The following CEP170 variants were observed in gnomAD, a reference collection of about 807,000 sequenced individuals.
CEP170 encodes the protein centrosomal protein of 170 kDa.
In CEP170, 21 loss-of-function variants were observed where a neutral mutation model predicts 151.9. That is an observed-to-expected ratio of 0.14 (90% CI 0.10 to 0.20). CEP170 has a LOEUF of 0.20. Ranked by LOEUF, CEP170 falls within the 10% of genes least tolerant of loss-of-function variation. The pLI, the probability that CEP170 is intolerant of heterozygous loss-of-function variation, is 1.00. For synonymous variants in CEP170, 356 were observed against 648.8 expected (o/e 0.55, Z 6.86); for missense variants, 964 against 1,892.9 (o/e 0.51, Z 9.11).
intron 14 of CEP170, among the ~76,000 whole-genome samples, chr1:243,150,258 C>T (rs1181390144): frequency 6.6e-6 from 1 of 152,138 alleles, no homozygotes; most frequent in Non-Finnish European, 1.5e-5. Flanking sequence ...TTCAACGATT[C>T]TCCTGCCTCA....
chr1:243,135,206 A>ATTAT lies in CEP170; in HGVS notation c.4319+933_4319+936dup, dbSNP rs750897112. The stretch of plus-strand genomic sequence containing the variant: ...AAGTCTGGTACACCTTCAAGAAATT[A>ATTAT]TTATTTATTTATTTATTTGAGACAG... On this transcript the variant is annotated intron_variant, in intron 17 of 19. Transcript: ENST00000366542. Among the ~76,000 whole-genome samples, 141 of 152,050 alleles carry ATTAT rather than the reference A, an allele frequency of 9.3e-4. 1 individual carries two copies. The highest frequency in any genetic ancestry group is 6.8e-3 in the Middle Eastern group (2 of 294).
At chr1:243,137,207 G>T (rs1464873814) in intron 16 of CEP170, among the ~76,000 whole-genome samples, 1 of 152,192 alleles carries the variant, frequency 6.6e-6, no homozygotes, top group East Asian at 1.9e-4. Flanking sequence ...CCAAGCCCTA[G>T]GCCAAATCAT....
intron 1 of CEP170, among the ~76,000 whole-genome samples, chr1:243,233,358 CAAAG>C (rs2063929379): frequency 6.6e-6 from 1 of 152,016 alleles, no homozygotes; most frequent in Non-Finnish European, 1.5e-5. Context: ...AAACATGAAA[CAAAG>C]AAAAACTCTG....
intron 14 of CEP170, among the ~76,000 whole-genome samples, chr1:243,147,772 A>C (rs903619719): frequency 1.3e-5 from 2 of 152,252 alleles, no homozygotes; most frequent in Non-Finnish European, 1.5e-5. Context: ...AAATGGGGCT[A>C]AGACAAGGAA....
chr1:243,182,783 G>A (rs2059707438), intron 10 of CEP170, among the ~76,000 whole-genome samples: 1 of 152,118 alleles, frequency 6.6e-6, no homozygotes, highest in South Asian at 2.1e-4. Context: ...TATGTTTCAC[G>A]ACTAGCTCAG....
rs1417566537 is a variant in CEP170, at chr1:243,199,071, G to A, written c.620C>T (p.Ala207Val). 2.5e-6 allele frequency: 4 copies of A among 1,610,270 alleles called. No homozygotes were observed. Among genetic ancestry groups the A allele is most frequent in the Non-Finnish European group, 3.4e-6 (4 of 1,178,120 alleles). ...TGAGATTTTTTTACCTGATGTTCCA[G>A]CTTCATGGTTTTTTTCTTCAGGTTT... is the stretch of plus-strand genomic sequence containing the variant. ...NGKPEEKNHE[A>V]GTSGCGIDAK... Residue 207 changes from alanine (A) to valine (V), a missense_variant, in exon 7 of 20, where the codon GCT becomes GTT. Ala to Val is a moderately conservative substitution (Grantham distance 64). Coordinates refer to ENST00000366542, the MANE Select transcript of CEP170 (RefSeq NM_014812.3).
chr1:243,245,784 A>G (rs575745590), intron 1 of CEP170, among the ~76,000 whole-genome samples: 4 of 152,086 alleles, frequency 2.6e-5, no homozygotes, highest in African/African-American at 9.6e-5. Flanking sequence ...AAAAGAAAAG[A>G]AAACAAAAAA....
At chr1:243,159,078 A>C (rs2057824835) in intron 13 of CEP170, among the ~76,000 whole-genome samples, 1 of 152,172 alleles carries the variant, frequency 6.6e-6, no homozygotes, top group Non-Finnish European at 1.5e-5. Flanking sequence ...AAACAAAAAC[A>C]AAACAAAAAG....
At chr1:243,204,046 T>C (rs1235200972) in intron 4 of CEP170, among the ~76,000 whole-genome samples, 1 of 152,192 alleles carries the variant, frequency 6.6e-6, no homozygotes, top group African/African-American at 2.4e-5. Flanking sequence ...TTTAAACTTC[T>C]CTATCACTTC....
intron 19 of CEP170, among the ~76,000 whole-genome samples, chr1:243,127,392 G>A (rs2053828794): frequency 6.6e-6 from 1 of 152,170 alleles, no homozygotes; most frequent in African/African-American, 2.4e-5. Context: ...GACATGGAAA[G>A]TTCTCAGGCG....
At chr1:243,146,825 C>T (rs2056551585) in intron 14 of CEP170, among the ~76,000 whole-genome samples, 1 of 152,142 alleles carries the variant, frequency 6.6e-6, no homozygotes, top group South Asian at 2.1e-4. Context: ...AATGCAGGCA[C>T]CAACGGGACT....
At chr1:243,218,744 G>A (rs2062533927) in intron 3 of CEP170, among the ~76,000 whole-genome samples, 1 of 152,136 alleles carries the variant, frequency 6.6e-6, no homozygotes, top group Non-Finnish European at 1.5e-5. Context: ...TTTACTGAAT[G>A]CTTACTATGT....
rs376991684 is a variant in CEP170 at position 243,172,767 on chromosome 1, G to A, written c.1646C>T (p.Ala549Val). 8.2e-6 allele frequency: 13 copies of A among 1,576,084 alleles called. No individual in the cohort carries two copies. The highest frequency in any genetic ancestry group is 9.5e-6 in the Non-Finnish European group (11 of 1,159,788). ...CATTACTGCTGCAGCAGAACTGAGA[G>A]CCCAATCTTTTATTAGATCTTTATG... ...EKHKDLIKDW[A>V]LSSAAAVMEE... is the part of the protein sequence containing the mutation. Residue 549 changes from alanine to valine, a missense_variant, in exon 11 of 20, where the codon GCT becomes GTT. Coordinates refer to ENST00000366542, the MANE Select transcript of CEP170 (RefSeq NM_014812.3).
chr1:243,184,553 G>A (rs2059821259), intron 10 of CEP170, among the ~76,000 whole-genome samples: 2 of 152,096 alleles, frequency 1.3e-5, no homozygotes, highest in African/African-American at 2.4e-5. Flanking sequence ...GAGCAGCTCA[G>A]TGGTAAACCT....
At chr1:243,144,833 T>C (rs2056276934) in intron 14 of CEP170, among the ~76,000 whole-genome samples, 1 of 152,300 alleles carries the variant, frequency 6.6e-6, no homozygotes, top group African/African-American at 2.4e-5. Context: ...GATAAGAAAA[T>C]AGTGCTGAAG....
chr1:243,177,518 T>C (rs2059330148), intron 10 of CEP170, among the ~76,000 whole-genome samples: 1 of 152,198 alleles, frequency 6.6e-6, no homozygotes, highest in African/African-American at 2.4e-5. Flanking sequence ...ATCTTCCTCC[T>C]CAATGAGCAA....
At chr1:243,214,614 A>G (rs1376198679) in intron 3 of CEP170, among the ~76,000 whole-genome samples, 1 of 136,654 alleles carries the variant, frequency 7.3e-6, no homozygotes, top group African/African-American at 2.5e-5. Context: ...TGTTTTGACC[A>G]TGCAAGAACA....
intron 14 of CEP170, among the ~76,000 whole-genome samples, chr1:243,146,342 G>A (rs1206049272): frequency 2.0e-5 from 3 of 152,118 alleles, no homozygotes; most frequent in African/African-American, 7.2e-5. Flanking sequence ...CGCGAAGAAC[G>A]CAGAAGAGAT....
At chr1:243,137,405 G>A (rs377182697) in intron 16 of CEP170, among the ~76,000 whole-genome samples, 34 of 152,322 alleles carry the variant, frequency 2.2e-4, no homozygotes, top group African/African-American at 7.2e-4. Context: ...CAGGGAATAC[G>A]ATTACATGTT....
Sources: gnomAD v4.1 joint callset for allele counts (sites outside exome capture counted in the v4.1 genomes callset) on GRCh38, gnomAD v4.1.1 for gene constraint, MANE v1.5 for transcripts, NCBI Gene and HGNC (gene_info 2026-07-23, HGNC 2026-07-21) for gene names.